The following PPP1R10 variants were observed in gnomAD, a reference collection of about 807,000 sequenced individuals.
The protein encoded by PPP1R10 is protein phosphatase 1 regulatory subunit 10, also known as serine/threonine-protein phosphatase 1 regulatory subunit 10.
PPP1R10 carries 15 observed loss-of-function variants against 99.0 expected under a neutral mutation model. That is an observed-to-expected ratio of 0.15 (90% CI 0.10 to 0.23). PPP1R10 has a LOEUF of 0.23. PPP1R10 is among the 10% of genes least tolerant of loss of function. The pLI is 1.00. For synonymous variants in PPP1R10, 430 were observed against 449.5 expected, an observed-to-expected ratio of 0.96 and a Z score of 0.55; for missense variants, 947 against 1,259.4, an observed-to-expected ratio of 0.75 and a Z score of 3.75.
chr6:30,603,125 T>C, intron 17 of PPP1R10, 85 bp downstream of exon 17: 2 of 1,496,450 alleles, frequency 1.3e-6, no homozygotes, highest in Admixed American at 3.4e-5. Flanking sequence ...AGCCCTGTAT[T>C]CTTCTGCATC....
In PPP1R10 at chr6:30,602,901, AGGACCCCCT is replaced by A. The variant is rs567936494; in HGVS notation, c.1893_1901del (p.Gly635_Pro637del). On this transcript the variant is annotated inframe_deletion, in exon 18 of 20. Coordinates refer to ENST00000376511, the MANE Select transcript of PPP1R10 (RefSeq NM_002714.4). This position sits in a 1 kb window ranked among gnomAD's most constrained non-coding sequence, Gnocchi z 6.7. Reference sequence around the variant, plus strand: ...AGTGCTGCATGCCCTTGGGGCCCCCAGGACCCCCTGGTGGGAAACCATTGGCTATTGGGC... The same window carrying A: ...AGTGCTGCATGCCCTTGGGGCCCCCAGGTGGGAAACCATTGGCTATTGGGC... 7.5e-3 allele frequency: 11,676 copies of A among 1,556,156 alleles called. 64 individuals are homozygous for A. The highest frequency in any genetic ancestry group is 0.027 in the Middle Eastern group (161 of 5,996).
At chr6:30,614,217 G>C (rs1804845278) in intron 2 of PPP1R10, among the ~76,000 whole-genome samples, 1 of 151,404 alleles carries the variant, frequency 6.6e-6, no homozygotes. Context: ...AAAATGAAGA[G>C]GACATCATTT....
In PPP1R10 at chr6:30,602,530, G is replaced by A. The variant is rs1803460303; in HGVS notation, c.2119C>T (p.Arg707Ter). The A allele has an allele frequency of 6.4e-7, 1 of 1,571,858 alleles. No individual in the cohort carries two copies. The part of the protein sequence containing the change: ...GPGPGPYHRG[R>*]GGRGGNEPPP... ...GGTTCGTTTCCTCCTCGGCCACCTC[G>A]GCCTCTATGGTATGGTCCAGGACCT... Residue 707 changes from arginine to a stop codon, truncating the protein, a stop_gained, in exon 19 of 20, where the codon CGA (arginine) becomes TGA (stop). Transcript: ENST00000376511. LOFTEE classifies it high-confidence loss of function. This position sits in a 1 kb window ranked among gnomAD's most constrained non-coding sequence, Gnocchi z 6.7.
chr6:30,616,044 TCA>T (rs772123380), intron 2 of PPP1R10, among the ~76,000 whole-genome samples: 3 of 152,348 alleles, frequency 2.0e-5, no homozygotes, highest in Admixed American at 1.3e-4. Context: ...CCTGCTTGTC[TCA>T]CACACAAAGA....
chr6:30,602,361 T>A lies in PPP1R10; in HGVS notation c.2288A>T (p.Asn763Ile), dbSNP rs1561828271. ...PHEGPGGGMG[N>I]SSGHRPHEGP... Reference sequence around the variant, plus strand: ...TTCGTGGGGACGATGTCCACTGCTGTTGCCCATGCCCCCACCAGGGCCTTC... The same window carrying A: ...TTCGTGGGGACGATGTCCACTGCTGATGCCCATGCCCCCACCAGGGCCTTC... Residue 763 changes from asparagine to isoleucine, a missense_variant, in exon 19 of 20, where the codon AAC becomes ATC. Asn to Ile is a moderately radical substitution (Grantham distance 149). Coordinates refer to ENST00000376511, the MANE Select transcript of PPP1R10 (RefSeq NM_002714.4). This position sits in a 1 kb window ranked among gnomAD's most constrained non-coding sequence, Gnocchi z 6.7. 1 of 1,611,080 alleles carries A rather than the reference T, an allele frequency of 6.2e-7. No individual in the cohort carries two copies. The highest frequency in any genetic ancestry group is 1.7e-5 in the Admixed American group (1 of 59,884).
At chr6:30,613,196 G>A (rs536856697) in intron 2 of PPP1R10, among the ~76,000 whole-genome samples, 1 of 152,158 alleles carries the variant, frequency 6.6e-6, no homozygotes, top group Admixed American at 6.5e-5. Context: ...TTTACTTGAG[G>A]GTTATTCAAT....
chr6:30,602,043 C>T lies in PPP1R10; in HGVS notation c.2606G>A (p.Gly869Asp), dbSNP rs149281527. ...AGGTGGCGGCCCTCGATGGTCATGG[C>T]CTCGGTGACCAGGGACATCATGAGG... ...HRPHDVPGHR[G>D]HDHRGPPPHE... The change falls in exon 19 of 20, where the codon GGC becomes GAC. Residue 869 changes from glycine to aspartate, a missense_variant. Coordinates refer to ENST00000376511, the MANE Select transcript of PPP1R10 (RefSeq NM_002714.4). The surrounding 1 kb of genome is among the most constrained non-coding windows in gnomAD (Gnocchi z 6.7). 5 of 1,555,158 alleles carry T rather than the reference C, an allele frequency of 3.2e-6. No homozygotes were observed. Among genetic ancestry groups the T allele is most frequent in the Non-Finnish European group, 4.4e-6 (5 of 1,146,984 alleles).
intron 2 of PPP1R10, among the ~76,000 whole-genome samples, chr6:30,612,545 T>C (rs1400750465): frequency 6.6e-6 from 1 of 152,192 alleles, no homozygotes. Context: ...CAAAGCAAAA[T>C]TAGCGTTAAA....
Position 30,604,784 on chromosome 6 carries a change from C to T in PPP1R10, c.955-49G>A, listed in dbSNP as rs1561835382. The T allele has an allele frequency of 6.2e-7, 1 of 1,610,734 alleles. No homozygotes were observed. The highest frequency in any genetic ancestry group is 1.7e-5 in the Admixed American group (1 of 59,950). ...AATGAACTGACTGGAAAGCCAAGGGCAAGGCAATTAGTCCAGGGTCCCAGG... is the reference window on the plus strand; with the variant it reads ...AATGAACTGACTGGAAAGCCAAGGGTAAGGCAATTAGTCCAGGGTCCCAGG... On this transcript the variant is annotated intron_variant, in intron 11 of 19. Transcript: ENST00000376511. This position sits in a 1 kb window ranked among gnomAD's most constrained non-coding sequence, Gnocchi z 7.3.
chr6:30,611,891 A>G (rs1156832460), intron 2 of PPP1R10, among the ~76,000 whole-genome samples: 1 of 152,194 alleles, frequency 6.6e-6, no homozygotes, highest in Non-Finnish European at 1.5e-5. Context: ...AAATCCACTC[A>G]AGTGTGGTGA....
chr6:30,608,237 C>T (rs1469484253), intron 5 of PPP1R10, among the ~76,000 whole-genome samples: 1 of 151,892 alleles, frequency 6.6e-6, no homozygotes, highest in Non-Finnish European at 1.5e-5. Flanking sequence ...AGCAATCCAC[C>T]CACCTCAGCA....
rs746354550 is a variant in PPP1R10 at position 30,609,936 on chromosome 6, C to T, written c.9G>A (p.Ser3=). The change falls in exon 3 of 20, where the codon TCG becomes TCA. Residue 3 remains serine (S), a synonymous_variant. Coordinates refer to ENST00000376511, the MANE Select transcript of PPP1R10 (RefSeq NM_002714.4). The surrounding 1 kb of genome is among the most constrained non-coding windows in gnomAD (Gnocchi z 4.5). ...GAAGTTCTTTGGGGTCTATGGGACC[C>T]GAACCCATGATGGTGGTTTCTATGG... The part of the protein sequence containing the change: MG[S]GPIDPKELLK... The T allele has an allele frequency of 2.5e-5, 41 of 1,613,384 alleles. No homozygotes were observed. In the East Asian group the frequency reaches 5.1e-4, roughly 20 times the overall value.
chr6:30,602,418 C>A lies in PPP1R10; in HGVS notation c.2231G>T (p.Gly744Val), dbSNP rs1291764454. Reference protein sequence around the residue: ...PPNGRGGPGGGMVGGGGHRPH... With the variant: ...PPNGRGGPGGVMVGGGGHRPH... ...ACGATGCCCACCACCTCCAACCATG[C>A]CCCCACCAGGGCCCCCTCGTCCATT... Residue 744 changes from glycine to valine, a missense_variant, in exon 19 of 20, where the codon GGC (glycine) becomes GTC (valine). Physicochemically the swap from Gly to Val is moderately radical, Grantham distance 109. Coordinates refer to ENST00000376511, the MANE Select transcript of PPP1R10 (RefSeq NM_002714.4). This position sits in a 1 kb window ranked among gnomAD's most constrained non-coding sequence, Gnocchi z 6.7. The A allele has an allele frequency of 6.2e-7, 1 of 1,610,022 alleles. No homozygotes were observed. Among genetic ancestry groups the A allele is most frequent in the African/African-American group, 1.3e-5 (1 of 74,714 alleles).
In PPP1R10 at chr6:30,602,199, T is replaced by A. The variant is rs142359918; in HGVS notation, c.2450A>T (p.Glu817Val). Residue 817 changes from glutamate (E) to valine (V), a missense_variant, in exon 19 of 20, where the codon GAA (glutamate) becomes GTA (valine). Around this residue, in one of 10 missense-constraint regions of PPP1R10, gnomAD observed 525 missense variants for 578.8 expected, o/e 0.91. Transcript: ENST00000376511. This position sits in a 1 kb window ranked among gnomAD's most constrained non-coding sequence, Gnocchi z 6.7. ...ISGGSGHRPH[E>V]GPGGGMGAGG... ...GGCACCCATTCCTCCGCCAGGGCCT[T>A]CATGGGGACGATGGCCACTGCCACC... 1 of 1,609,730 alleles carries A rather than the reference T, an allele frequency of 6.2e-7. No individual in the cohort carries two copies. Among genetic ancestry groups the A allele is most frequent in the Non-Finnish European group, 8.5e-7 (1 of 1,178,784 alleles).
rs1320776894 is a variant in PPP1R10, at chr6:30,602,605, C to T, written c.2044G>A (p.Gly682Ser). Residue 682 changes from glycine to serine, a missense_variant, in exon 19 of 20, where the codon GGC (glycine) becomes AGC (serine). Gly to Ser is a moderately conservative substitution (Grantham distance 56). Around this residue, in one of 10 missense-constraint regions of PPP1R10, gnomAD observed 525 missense variants for 578.8 expected, o/e 0.91. Coordinates refer to ENST00000376511, the MANE Select transcript of PPP1R10 (RefSeq NM_002714.4). The surrounding 1 kb of genome is among the most constrained non-coding windows in gnomAD (Gnocchi z 6.7). The part of the protein sequence containing the change: ...PPRGGDPFWD[G>S]PGDPMRGGPM... ...CCACCCCGCATAGGGTCGCCCGGGC[C>T]ATCCCAGAAGGGATCACCTCCCCGG... 2 of 1,578,410 alleles carry T rather than the reference C, an allele frequency of 1.3e-6. No homozygotes were observed. Among genetic ancestry groups the T allele is most frequent in the South Asian group, 2.3e-5 (2 of 86,520 alleles).
In PPP1R10 at chr6:30,602,162, A is replaced by C. The variant is rs1213509675; in HGVS notation, c.2487T>G (p.His829Gln). 3 of 1,610,382 alleles carry C rather than the reference A, an allele frequency of 1.9e-6. No individual in the cohort carries two copies. Among genetic ancestry groups the C allele is most frequent in the Non-Finnish European group, 2.5e-6 (3 of 1,178,968 alleles). ...PGGGMGAGGG[H>Q]RPHEGPGGSM... ...TTCCGCCAGGGCCTTCGTGGGGGCG[A>C]TGTCCACCACCGGCACCCATTCCTC... Residue 829 changes from histidine to glutamine, a missense_variant, in exon 19 of 20, where the codon CAT becomes CAG. By Grantham distance (24) the His-to-Gln change is conservative. This residue lies in a region of PPP1R10 where 525 missense variants were observed against 578.8 expected (regional missense o/e 0.91). Coordinates refer to ENST00000376511, the MANE Select transcript of PPP1R10 (RefSeq NM_002714.4). This position sits in a 1 kb window ranked among gnomAD's most constrained non-coding sequence, Gnocchi z 6.7.
rs1803671389 is a variant in PPP1R10, at chr6:30,604,122, C to T, written c.1394G>A (p.Arg465Gln). The stretch of plus-strand genomic sequence containing the variant: ...AAGAGGTGAGGGCAGAACCAGGGGC[C>T]GGGGGCACACCCAGGGCACCTTCTC... ...MEEKVPWVCP[R>Q]PLVLPSPLVT... The change falls in exon 14 of 20, where the codon CGG (arginine) becomes CAG (glutamine). Residue 465 changes from arginine (R) to glutamine (Q), a missense_variant. Transcript: ENST00000376511. This position sits in a 1 kb window ranked among gnomAD's most constrained non-coding sequence, Gnocchi z 7.3. The T allele has an allele frequency of 6.2e-6, 10 of 1,613,924 alleles. No homozygotes were observed. The highest frequency in any genetic ancestry group is 1.7e-5 in the Admixed American group (1 of 59,998).
chr6:30,615,879 CCACA>C (rs1313359490), intron 2 of PPP1R10, among the ~76,000 whole-genome samples: 2 of 152,130 alleles, frequency 1.3e-5, no homozygotes, highest in African/African-American at 2.4e-5. Flanking sequence ...CCTATTTTAA[CCACA>C]CAAATATACC....
chr6:30,605,132 C>T (rs1262378064), intron 10 of PPP1R10, 38 bp from the exon 11 acceptor site: 4 of 1,570,332 alleles, frequency 2.5e-6, no homozygotes, highest in Non-Finnish European at 3.5e-6. Flanking sequence ...ATCATCAGAC[C>T]TCCTTCATAA....
Sources: allele counts gnomAD v4.1 joint callset (sites outside exome capture counted in the v4.1 genomes callset), GRCh38; gene constraint gnomAD v4.1.1; regional missense constraint gnomAD v4.1.1; non-coding constraint Gnocchi (gnomAD v3.1); transcripts MANE v1.5; gene names NCBI Gene and HGNC (gene_info 2026-07-23, HGNC 2026-07-21).